Variants in DAG1 observed in about 807,000 individuals in gnomAD.
DAG1 encodes the protein dystroglycan 1 (dystrophin-associated glycoprotein 1).
DAG1 carries 8 observed loss-of-function variants against 46.1 expected under a neutral mutation model. That is an observed-to-expected ratio of 0.17 (90% CI 0.10 to 0.31). The LOEUF (loss-of-function observed/expected upper bound fraction) is 0.31, where lower values mean the gene tolerates loss of function less well. DAG1 is among the 10% of genes least tolerant of loss of function. The pLI is 1.00. For missense variants in DAG1, 1,003 were observed against 1,189.9 expected (o/e 0.84, Z 2.31); for synonymous variants, 495 against 481.8 (o/e 1.03, Z -0.36).
intron 1 of DAG1, among the ~76,000 whole-genome samples, chr3:49,502,826 A>G (rs1266881157): frequency 1.3e-5 from 2 of 151,902 alleles, no homozygotes; most frequent in East Asian, 1.9e-4. Context: ...TTTAGTACAG[A>G]CGGGGTTTCA....
At chr3:49,503,405 C>A (rs145318074) in intron 1 of DAG1, among the ~76,000 whole-genome samples, 1 of 152,212 alleles carries the variant, frequency 6.6e-6, no homozygotes, top group African/African-American at 2.4e-5. Context: ...TTCCTATCTT[C>A]AGCCCATTTT....
At chr3:49,505,285 A>G (rs1246802913) in intron 1 of DAG1, among the ~76,000 whole-genome samples, 1 of 150,084 alleles carries the variant, frequency 6.7e-6, no homozygotes, top group Non-Finnish European at 1.5e-5. Flanking sequence ...CCCCGCCCTT[A>G]TTTTTTTTTA....
At chr3:49,484,914 A>G (rs915924792) in intron 1 of DAG1, among the ~76,000 whole-genome samples, 1 of 151,750 alleles carries the variant, frequency 6.6e-6, no homozygotes, top group Non-Finnish European at 1.5e-5. Context: ...CTCCTGCCTC[A>G]GCCTCCCGAG....
intron 1 of DAG1, among the ~76,000 whole-genome samples, chr3:49,473,118 A>G (rs1275848334): frequency 6.7e-6 from 1 of 150,306 alleles, no homozygotes; most frequent in Non-Finnish European, 1.5e-5. Context: ...AAAATAAAAA[A>G]TAAAACAAAA....
intron 1 of DAG1, among the ~76,000 whole-genome samples, chr3:49,486,051 C>T (rs1163929916): frequency 6.6e-6 from 1 of 151,920 alleles, no homozygotes; most frequent in East Asian, 1.9e-4. Flanking sequence ...ATGGGCTGTG[C>T]TCTGGGAGAG....
intron 1 of DAG1, among the ~76,000 whole-genome samples, chr3:49,494,436 A>G (rs980463428): frequency 6.6e-6 from 1 of 152,084 alleles, no homozygotes; most frequent in South Asian, 2.1e-4. Context: ...TAATTGGCCA[A>G]TTAGGTCAGA....
At position 49,533,430 on chromosome 3, in the gene DAG1, T is replaced by C. The variant is rs778405252; in HGVS notation, c.*231T>C. The C allele has an allele frequency of 2.8e-6, 2 of 715,390 alleles. No individual in the cohort carries two copies. Among genetic ancestry groups the C allele is most frequent in the South Asian group, 3.0e-5 (2 of 67,124 alleles). The allele number at this position is 715,390 out of a possible 1,614,324, so 44.3% of individuals were successfully genotyped here. On this transcript the variant is annotated 3_prime_UTR_variant, in exon 3 of 3. Transcript: ENST00000308775. Reference sequence around the variant, plus strand: ...ATTTTTATTTTTTGCCTAACAGCTTTTGGTTTGTTCATAGAGAATTCTTCG... The same window carrying C: ...ATTTTTATTTTTTGCCTAACAGCTTCTGGTTTGTTCATAGAGAATTCTTCG...
At chr3:49,496,563 T>C (rs1395390531) in intron 1 of DAG1, among the ~76,000 whole-genome samples, 1 of 151,872 alleles carries the variant, frequency 6.6e-6, no homozygotes, top group East Asian at 1.9e-4. Flanking sequence ...GGTTTCACCA[T>C]ATTGGCCAGG....
At chr3:49,469,224 A>G (rs1374800478), upstream of DAG1, among the ~76,000 whole-genome samples, 1 of 152,208 alleles carries the variant, frequency 6.6e-6, no homozygotes, top group Admixed American at 6.5e-5. Context: ...CTTGCTGTCA[A>G]GAGTGCAGGC....
At chr3:49,517,131 CT>C (rs2050919502) in intron 2 of DAG1, among the ~76,000 whole-genome samples, 1 of 151,736 alleles carries the variant, frequency 6.6e-6, no homozygotes, top group Non-Finnish European at 1.5e-5. Flanking sequence ...GTAGCTGGGA[CT>C]ACAGGTGCCT....
chr3:49,530,643 A>G (rs921024410), intron 2 of DAG1, among the ~76,000 whole-genome samples, 154 bp from the exon 3 acceptor site: 2 of 152,144 alleles, frequency 1.3e-5, no homozygotes, highest in African/African-American at 4.8e-5. Context: ...AAATAAACTC[A>G]GTTGTGTCTC....
chr3:49,498,100 A>G (rs971921531), intron 1 of DAG1, among the ~76,000 whole-genome samples: 3 of 152,076 alleles, frequency 2.0e-5, no homozygotes, highest in African/African-American at 7.2e-5. Context: ...TTTTTCTCCC[A>G]CGTATTTTTA....
chr3:49,469,980 T>C (rs1002129934), upstream of DAG1, among the ~76,000 whole-genome samples: 1 of 151,998 alleles, frequency 6.6e-6, no homozygotes, highest in Non-Finnish European at 1.5e-5. Flanking sequence ...CGCCGGGGTG[T>C]GTCCCGGGAC....
In DAG1 at chr3:49,533,317, C is replaced by A; in HGVS notation, c.*118C>A. The stretch of plus-strand genomic sequence containing the variant: ...CACCGGGAGCCGACACCTGACCTAG[C>A]ACACACTGACACAGGGGCCTGGACA... On this transcript the variant is annotated 3_prime_UTR_variant, in exon 3 of 3. Transcript: ENST00000308775. 7.0e-7 allele frequency: 1 copy of A among 1,434,032 alleles called. No homozygotes were observed. The allele number at this position is 1,434,032 out of a possible 1,614,324, so 88.8% of individuals were successfully genotyped here. A position where few individuals can be genotyped will look rare whatever the true frequency, so the allele number is the denominator to read the frequency against.
intron 1 of DAG1, among the ~76,000 whole-genome samples, chr3:49,490,912 G>GTC (rs1356437451): frequency 2.2e-5 from 3 of 134,564 alleles, no homozygotes; most frequent in Non-Finnish European, 4.7e-5. Context: ...TTGAGACGGA[G>GTC]TCTCACTCTG....
chr3:49,507,537 A>G (rs889649786), intron 1 of DAG1, among the ~76,000 whole-genome samples: 55 of 152,194 alleles, frequency 3.6e-4, no homozygotes, highest in African/African-American at 1.2e-3. Context: ...ATTCCAGTCT[A>G]GGTGACAGAG....
At chr3:49,507,737 C>T (rs556319953) in intron 1 of DAG1, among the ~76,000 whole-genome samples, 1 of 150,110 alleles carries the variant, frequency 6.7e-6, no homozygotes, top group African/African-American at 2.4e-5. Flanking sequence ...GTGATTATGG[C>T]TTATTACAGC....
intron 2 of DAG1, among the ~76,000 whole-genome samples, chr3:49,513,496 A>G (rs1210912476): frequency 6.6e-6 from 1 of 152,072 alleles, no homozygotes. Context: ...TAGATTAGAA[A>G]TGGCCACAAG....
chr3:49,518,097 G>A (rs994854959), intron 2 of DAG1, among the ~76,000 whole-genome samples: 4 of 152,212 alleles, frequency 2.6e-5, no homozygotes, highest in Non-Finnish European at 5.9e-5. Flanking sequence ...TGAGGTAGGA[G>A]GTACTGAGCC....
Sources: allele counts gnomAD v4.1 joint callset (sites outside exome capture counted in the v4.1 genomes callset), GRCh38; gene constraint gnomAD v4.1.1; transcripts MANE v1.5; gene names NCBI Gene and HGNC (gene_info 2026-07-23, HGNC 2026-07-21).